Variants in WWOX observed in about 807,000 individuals in gnomAD.
The protein encoded by WWOX is WW domain containing oxidoreductase.
WWOX carries 69 observed loss-of-function variants against 46.2 expected under a neutral mutation model. That is an observed-to-expected ratio of 1.49 (90% confidence interval 1.23 to 1.82). The LOEUF is 1.82. Among genes scored for constraint, WWOX ranks in the 40% most tolerant of loss-of-function variants. The pLI, the probability that WWOX is intolerant of heterozygous loss-of-function variation, is 0.00. For synonymous variants in WWOX, 359 were observed against 202.6 expected (o/e 1.77, Z -6.56); for missense variants, 919 against 542.6 (o/e 1.69, Z -6.89).
chr16:78,541,357 C>G (rs911202345), intron 8 of WWOX, among the ~76,000 whole-genome samples: 4 of 150,002 alleles, frequency 2.7e-5, no homozygotes, highest in African/African-American at 9.8e-5. Flanking sequence ...ACCTGTAGTC[C>G]CAGCTACTTG....
rs76535469 is a variant in WWOX, at chr16:78,859,578, T to C, written c.1057-352030T>C. On this transcript the variant is annotated intron_variant, in intron 8 of 8. Transcript: ENST00000566780. ...TTCAGATTTTTCCTGTCATTATGGA[T>C]TTGGTTTTAGGGAAAATACCTTCAT... is the stretch of plus-strand genomic sequence containing the variant. Among the ~76,000 whole-genome samples the C allele has an allele frequency of 3.9e-5, 6 of 152,328 alleles. No homozygotes were observed. In the East Asian group the frequency reaches 1.2e-3, roughly 29 times the overall value.
At chr16:79,058,599 C>T (rs2048307422) in intron 8 of WWOX, among the ~76,000 whole-genome samples, 1 of 152,022 alleles carries the variant, frequency 6.6e-6, no homozygotes, top group African/African-American at 2.4e-5. Flanking sequence ...AATAACTTGA[C>T]CTTTATGAAG....
intron 8 of WWOX, among the ~76,000 whole-genome samples, chr16:78,863,294 C>T (rs1001594732): frequency 6.6e-6 from 1 of 152,194 alleles, no homozygotes; most frequent in Non-Finnish European, 1.5e-5. Flanking sequence ...AATGAGCAGA[C>T]ACTCGCAGTA....
At chr16:78,361,337 G>T (rs1223973793) in intron 5 of WWOX, among the ~76,000 whole-genome samples, 1 of 152,100 alleles carries the variant, frequency 6.6e-6, no homozygotes, top group African/African-American at 2.4e-5. Context: ...TGATCACTTG[G>T]TTAAGGTGAT....
chr16:78,891,680 G>A (rs2044593523), intron 8 of WWOX: 1 of 152,168 alleles, frequency 6.6e-6, no homozygotes, highest in African/African-American at 2.4e-5. Context: ...CAGCTAAGCT[G>A]TCTGTTTGCT....
At chr16:79,031,853 T>A (rs2047763275) in intron 8 of WWOX, among the ~76,000 whole-genome samples, 5 of 139,656 alleles carry the variant, frequency 3.6e-5, no homozygotes, top group Admixed American at 2.2e-4. Context: ...TATTATATAT[T>A]ATATATATAG....
At chr16:79,165,321 A>C (rs9923606) in intron 8 of WWOX, among the ~76,000 whole-genome samples, 1,633 of 152,284 alleles carry the variant, frequency 0.011, 29 homozygotes, top group African/African-American at 0.037. Context: ...TATATGTTAC[A>C]GAGGGAAACT....
intron 5 of WWOX, among the ~76,000 whole-genome samples, chr16:78,382,949 A>G (rs1348133720): frequency 1.3e-5 from 2 of 151,828 alleles, no homozygotes; most frequent in East Asian, 1.9e-4. Context: ...GCTTCTGGAT[A>G]GGCCTTAGGA....
intron 8 of WWOX, among the ~76,000 whole-genome samples, chr16:78,662,878 C>T (rs1024956818): frequency 5.3e-5 from 8 of 152,110 alleles, no homozygotes; most frequent in South Asian, 2.1e-4. Context: ...CAGCTTGTAA[C>T]GTGGCAGCTG....
At chr16:79,035,128 T>C (rs2047840507) in intron 8 of WWOX, among the ~76,000 whole-genome samples, 1 of 152,180 alleles carries the variant, frequency 6.6e-6, no homozygotes, top group Non-Finnish European at 1.5e-5. Context: ...AAAATAAATA[T>C]CTGTGATCTC....
chr16:79,180,310 C>T (rs1187294655), intron 8 of WWOX, among the ~76,000 whole-genome samples: 5 of 152,286 alleles, frequency 3.3e-5, no homozygotes, highest in Admixed American at 1.3e-4. Flanking sequence ...TGGAAGGTCA[C>T]GCAAGGAAGC....
At chr16:78,616,435 C>G (rs549227075) in intron 8 of WWOX, among the ~76,000 whole-genome samples, 19 of 151,966 alleles carry the variant, frequency 1.3e-4, no homozygotes, top group Non-Finnish European at 2.2e-4. Flanking sequence ...ATTTTCTCAA[C>G]TAGCAGAGGC....
At chr16:78,865,981 T>A in intron 8 of WWOX, among the ~76,000 whole-genome samples, 1 of 152,180 alleles carries the variant, frequency 6.6e-6, no homozygotes. Context: ...AAACCGTAGG[T>A]GATCACATAC....
rs115987587 is a variant in WWOX at position 78,152,381 on chromosome 16, C to G, written c.410-11802C>G. Among the ~76,000 whole-genome samples, 403 of 147,552 alleles carry G rather than the reference C, an allele frequency of 2.7e-3. 3 individuals carry two copies. Among genetic ancestry groups the G allele is most frequent in the African/African-American group, 8.8e-3 (362 of 41,318 alleles). ...AATGCCGTACTGAATATTCCTCCCA[C>G]ATATTTGCAAGTCTATTTGTAGGAT... is the stretch of plus-strand genomic sequence containing the variant. On this transcript the variant is annotated intron_variant, in intron 4 of 8. Coordinates refer to ENST00000566780, the MANE Select transcript of WWOX (RefSeq NM_016373.4).
intron 8 of WWOX, among the ~76,000 whole-genome samples, chr16:79,108,650 C>A (rs1333457739): frequency 6.6e-6 from 1 of 152,158 alleles, no homozygotes; most frequent in Non-Finnish European, 1.5e-5. Flanking sequence ...GCCTGTAATC[C>A]TAGCACTTTG....
rs188630606 is a variant in WWOX, at chr16:79,114,600, C to A, written c.1057-97008C>A. 9.1e-4 allele frequency among the ~76,000 whole-genome samples: 138 copies of A among 152,064 alleles called. 1 individual carries two copies. Among genetic ancestry groups the A allele is most frequent in the Middle Eastern group, 3.4e-3 (1 of 294 alleles). ...CCTAGAGCCTTCGGAGGGAGCGCAG[C>A]GCCAGAGACACCTTGAATTCAGACT... On this transcript the variant is annotated intron_variant, in intron 8 of 8. Transcript: ENST00000566780.
chr16:78,880,993 T>C (rs1300857433), intron 8 of WWOX, among the ~76,000 whole-genome samples: 1,216 of 9,194 alleles, frequency 0.13, 6 homozygotes, highest in Middle Eastern at 0.27. Flanking sequence ...ATTTTTTTTC[T>C]TTTTTTTTTT....
intron 8 of WWOX, among the ~76,000 whole-genome samples, chr16:78,919,580 C>T (rs1323847304): frequency 1.2e-4 from 17 of 142,704 alleles, no homozygotes; most frequent in Middle Eastern, 8.5e-3. Flanking sequence ...CACAATGGCG[C>T]GATCTCAGCT....
At chr16:78,785,733 A>C (rs990636189) in intron 8 of WWOX, among the ~76,000 whole-genome samples, 23 of 152,204 alleles carry the variant, frequency 1.5e-4, no homozygotes, top group African/African-American at 5.3e-4. Context: ...ATTTTTATTA[A>C]GAAGTAAGGC....
Sources: allele counts gnomAD v4.1 joint callset (sites outside exome capture counted in the v4.1 genomes callset), GRCh38; gene constraint gnomAD v4.1.1; transcripts MANE v1.5; gene names NCBI Gene and HGNC (gene_info 2026-07-23, HGNC 2026-07-21).